The following CADPS2 variants were observed in gnomAD, a reference collection of about 807,000 sequenced individuals.
The protein encoded by CADPS2 is calcium-dependent secretion activator 2.
CADPS2 carries 93 observed loss-of-function variants against 172.5 expected under a neutral mutation model. That is an observed-to-expected ratio of 0.54 (90% CI 0.46 to 0.64). CADPS2 has a LOEUF of 0.64. Ranked by LOEUF, CADPS2 falls within the 30% of genes least tolerant of loss-of-function variation. The pLI, the probability that CADPS2 is intolerant of heterozygous loss-of-function variation, is 0.00. For synonymous variants in CADPS2, 546 were observed against 555.2 expected, an observed-to-expected ratio of 0.98 and a Z score of 0.23; for missense variants, 1,420 against 1,565.9, an observed-to-expected ratio of 0.91 and a Z score of 1.57.
At chr7:122,461,885 C>T (rs912315675) in intron 14 of CADPS2, among the ~76,000 whole-genome samples, 12 of 152,150 alleles carry the variant, frequency 7.9e-5, no homozygotes. Context: ...TGAGCCACCT[C>T]GCCTGGCCTG....
At chr7:122,597,213 C>T (rs2071956197) in intron 6 of CADPS2, among the ~76,000 whole-genome samples, 1 of 152,036 alleles carries the variant, frequency 6.6e-6, no homozygotes. Context: ...CATCATACGT[C>T]AGTTAAACTT....
At position 122,767,229 on chromosome 7, in the gene CADPS2, G is replaced by A. The variant is rs149611025; in HGVS notation, c.340-30161C>T. 1.6e-4 allele frequency among the ~76,000 whole-genome samples: 24 copies of A among 152,192 alleles called. No individual in the cohort carries two copies. In the East Asian group the frequency reaches 4.6e-3, roughly 29 times the overall value. On this transcript the variant is annotated intron_variant, in intron 1 of 29. Transcript: ENST00000449022. Reference sequence around the variant, plus strand: ...TCCACATTTACAGGATCCTTCCTGGGTTTTAGACACTAAACTAAAAAGCAT... The same window carrying A: ...TCCACATTTACAGGATCCTTCCTGGATTTTAGACACTAAACTAAAAAGCAT...
At chr7:122,788,517 A>G (rs997850020) in intron 1 of CADPS2, among the ~76,000 whole-genome samples, 3 of 152,164 alleles carry the variant, frequency 2.0e-5, no homozygotes, top group African/African-American at 7.2e-5. Context: ...AAACTTACCA[A>G]AAATTGCTTT....
At chr7:122,483,389 G>C (rs1003638507) in intron 11 of CADPS2, among the ~76,000 whole-genome samples, 34 of 152,100 alleles carry the variant, frequency 2.2e-4, no homozygotes, top group African/African-American at 7.5e-4. Context: ...TTCAAAATGA[G>C]GGTAAAATAA....
At chr7:122,356,800 T>C (rs556869615) in intron 27 of CADPS2, among the ~76,000 whole-genome samples, 1 of 152,338 alleles carries the variant, frequency 6.6e-6, no homozygotes, top group East Asian at 1.9e-4. Context: ...GCTGTGTCTC[T>C]TTGAAACACA....
intron 6 of CADPS2, among the ~76,000 whole-genome samples, chr7:122,613,925 AAC>A (rs1373612296): frequency 6.6e-6 from 1 of 152,116 alleles, no homozygotes; most frequent in Admixed American, 6.6e-5. Context: ...ACAGGTAATT[AAC>A]ACAGTCCCAA....
At chr7:122,770,493 G>A (rs2093676672) in intron 1 of CADPS2, among the ~76,000 whole-genome samples, 2 of 152,144 alleles carry the variant, frequency 1.3e-5, no homozygotes, top group Admixed American at 6.5e-5. Context: ...CACAGTATCT[G>A]CTGCAACTCA....
chr7:122,653,636 T>A (rs1259156697), intron 3 of CADPS2, among the ~76,000 whole-genome samples: 1 of 152,246 alleles, frequency 6.6e-6, no homozygotes, highest in East Asian at 1.9e-4. Flanking sequence ...GTGGCAATCC[T>A]GAGTCAAGCA....
chr7:122,471,740 A>G (rs1563431187), intron 13 of CADPS2, among the ~76,000 whole-genome samples, 178 bp from the exon 14 acceptor site: 1 of 152,118 alleles, frequency 6.6e-6, no homozygotes, highest in African/African-American at 2.4e-5. Context: ...CTGATTTGGG[A>G]CACTGGCAAC....
At chr7:122,497,738 C>T (rs1248873125) in intron 9 of CADPS2, among the ~76,000 whole-genome samples, 6 of 152,146 alleles carry the variant, frequency 3.9e-5, no homozygotes, top group Non-Finnish European at 8.8e-5. Flanking sequence ...ATTCTGTGTT[C>T]AATTTCTTTC....
intron 2 of CADPS2, among the ~76,000 whole-genome samples, chr7:122,733,829 T>C (rs1049163081): frequency 1.3e-5 from 2 of 152,058 alleles, no homozygotes; most frequent in African/African-American, 4.8e-5. Context: ...TAGTGCAAAA[T>C]CTTTCACTAT....
At chr7:122,685,926 A>G (rs1265059007) in intron 2 of CADPS2, among the ~76,000 whole-genome samples, 5 of 152,204 alleles carry the variant, frequency 3.3e-5, no homozygotes, top group Admixed American at 6.5e-5. Flanking sequence ...TACACTCCCA[A>G]TGCCTTACCC....
chr7:122,456,613 T>C (rs1013738605), intron 14 of CADPS2, among the ~76,000 whole-genome samples: 3 of 152,212 alleles, frequency 2.0e-5, no homozygotes, highest in Non-Finnish European at 4.4e-5. Context: ...CCAAGTGCAG[T>C]TGTGTGTTAA....
chr7:122,621,598 A>C lies in CADPS2; in HGVS notation c.987T>G (p.Gly329=). 2 of 1,613,764 alleles carry C rather than the reference A, an allele frequency of 1.2e-6. No individual in the cohort carries two copies. The highest frequency in any genetic ancestry group is 1.1e-5 in the South Asian group (1 of 91,078). The change falls in exon 5 of 30, where the codon GGT becomes GGG. Residue 329 remains glycine (G), a synonymous_variant. Transcript: ENST00000449022. ...NLESLPVSKG[G]PEFKLQKLKR... ...TTAATTTTTGTAATTTAAATTCCGGACCACCTTTCGAAACTGGAAGACTTT... is the reference window on the plus strand; with the variant it reads ...TTAATTTTTGTAATTTAAATTCCGGCCCACCTTTCGAAACTGGAAGACTTT...
intron 6 of CADPS2, among the ~76,000 whole-genome samples, chr7:122,584,107 T>C (rs887477654): frequency 2.0e-5 from 3 of 151,834 alleles, no homozygotes; most frequent in African/African-American, 7.2e-5. Context: ...TACTTTTTTG[T>C]ATTCTCCATG....
At chr7:122,714,952 C>G (rs972683501) in intron 2 of CADPS2, among the ~76,000 whole-genome samples, 4 of 152,092 alleles carry the variant, frequency 2.6e-5, no homozygotes, top group Admixed American at 2.0e-4. Context: ...GGTTAAACGT[C>G]ATACAGCTAT....
At chr7:122,389,199 A>G (rs759901400) in intron 22 of CADPS2, among the ~76,000 whole-genome samples, 36 of 152,174 alleles carry the variant, frequency 2.4e-4, no homozygotes, top group Admixed American at 3.9e-4. Context: ...ACGTGTGTAG[A>G]ACATAGGGTC....
chr7:122,446,075 CT>C (rs976955157), intron 15 of CADPS2, among the ~76,000 whole-genome samples: 3 of 152,154 alleles, frequency 2.0e-5, no homozygotes, highest in African/African-American at 7.2e-5. Context: ...AACATTCAGT[CT>C]TTTACCATTA....
At chr7:122,705,726 C>T (rs796896358) in intron 2 of CADPS2, among the ~76,000 whole-genome samples, 1 of 5,584 alleles carries the variant, frequency 1.8e-4, no homozygotes, top group Admixed American at 5.6e-3. Flanking sequence ...TATAATATAT[C>T]ATATATTATA....
Sources: gnomAD v4.1 joint callset for allele counts (sites outside exome capture counted in the v4.1 genomes callset) on GRCh38, gnomAD v4.1.1 for gene constraint, MANE v1.5 for transcripts, NCBI Gene and HGNC (gene_info 2026-07-23, HGNC 2026-07-21) for gene names.